COL4A2: variants seen among roughly 807,000 people sequenced by gnomAD.
COL4A2 encodes the protein collagen alpha-2(IV) chain.
In COL4A2, 99 loss-of-function variants were observed where a neutral mutation model predicts 200.2. The observed-to-expected ratio is 0.49, with a 90% CI of 0.42 to 0.58. COL4A2 has a LOEUF of 0.58. Ranked by LOEUF, COL4A2 falls within the 20% of genes least tolerant of loss-of-function variation. COL4A2 has a pLI of 0.00. For missense variants in COL4A2, 1,950 were observed against 2,314.1 expected, an observed-to-expected ratio of 0.84 and a Z score of 3.23; for synonymous variants, 897 against 900.6, an observed-to-expected ratio of 1.00 and a Z score of 0.07.
At position 110,409,227 on chromosome 13, in the gene COL4A2, A is replaced by G. The variant is rs577625355; in HGVS notation, c.181-15507A>G. 3.4e-4 allele frequency among the ~76,000 whole-genome samples: 51 copies of G among 148,390 alleles called. No individual in the cohort carries two copies. In the South Asian group the frequency reaches 8.5e-3, roughly 25 times the overall value. ...CACACATATACACACATTCTTGCACAAAAATCTCACAAGAACATCACGGGT... is the reference window on the plus strand; with the variant it reads ...CACACATATACACACATTCTTGCACGAAAATCTCACAAGAACATCACGGGT... On this transcript the variant is annotated intron_variant, in intron 4 of 47. Coordinates refer to ENST00000360467, the MANE Select transcript of COL4A2 (RefSeq NM_001846.4).
At chr13:110,331,849 G>A (rs568010966) in intron 3 of COL4A2, among the ~76,000 whole-genome samples, 1 of 152,212 alleles carries the variant, frequency 6.6e-6, no homozygotes, top group East Asian at 1.9e-4. Flanking sequence ...TTCCTGTTGG[G>A]TGTCATTTTC....
rs1883947353 is a variant in COL4A2, at chr13:110,508,015, A to T, written c.4675A>T (p.Ser1559Cys). ...CCCTGGTGATGTCTGCTACTATGCC[A>T]GCCGGAACGACAAGTCCTACTGGCT... The part of the protein sequence containing the change: ...CNPGDVCYYA[S>C]RNDKSYWLST... Residue 1559 changes from serine to cysteine, a missense_variant, in exon 47 of 48, where the codon AGC (serine) becomes TGC (cysteine). Physicochemically the swap from Ser to Cys is moderately radical, Grantham distance 112. Coordinates refer to ENST00000360467, the MANE Select transcript of COL4A2 (RefSeq NM_001846.4). The surrounding 1 kb of genome is among the most constrained non-coding windows in gnomAD (Gnocchi z 6.1). 2 of 1,614,218 alleles carry T rather than the reference A, an allele frequency of 1.2e-6. No homozygotes were observed. The highest frequency in any genetic ancestry group is 1.6e-4 in the Middle Eastern group (1 of 6,062).
chr13:110,409,949 C>T (rs1002614647), intron 4 of COL4A2, among the ~76,000 whole-genome samples: 2 of 152,284 alleles, frequency 1.3e-5, no homozygotes, highest in South Asian at 2.1e-4. Context: ...ACGTCCCGCC[C>T]GCCCCAGAGC....
chr13:110,512,379 G>C lies in COL4A2; in HGVS notation c.*188G>C. 1 of 1,002,396 alleles carries C rather than the reference G, an allele frequency of 1.0e-6. No homozygotes were observed. The highest frequency in any genetic ancestry group is 1.4e-6 in the Non-Finnish European group (1 of 707,978). 62.1% of individuals were successfully genotyped at this position (1,002,396 alleles called of 1,614,324 possible). A position where few individuals can be genotyped will look rare whatever the true frequency, so the allele number is the denominator to read the frequency against. On this transcript the variant is annotated 3_prime_UTR_variant, in exon 48 of 48. Transcript: ENST00000360467. ...GCGGGTGCAAGCACTCGGGGTCCCTGGAGGGCAAGCCCTGCCCACAGAAAG... is the reference window on the plus strand; with the variant it reads ...GCGGGTGCAAGCACTCGGGGTCCCTCGAGGGCAAGCCCTGCCCACAGAAAG...
At chr13:110,430,983 C>A in intron 10 of COL4A2, 2 of 436,996 alleles carry the variant, frequency 4.6e-6, no homozygotes, top group Non-Finnish European at 4.5e-6. Flanking sequence ...TGTGCCACAC[C>A]CATGCTAGCA....
chr13:110,468,081 C>T (rs1323344393), intron 27 of COL4A2: 2 of 455,340 alleles, frequency 4.4e-6, no homozygotes, highest in African/African-American at 4.0e-5. Flanking sequence ...CCGTGATAAA[C>T]TGTAGAGAGC....
intron 4 of COL4A2, among the ~76,000 whole-genome samples, chr13:110,416,024 G>A (rs895804851): frequency 6.6e-6 from 1 of 152,270 alleles, no homozygotes; most frequent in Non-Finnish European, 1.5e-5. Context: ...GAGGTCGTAA[G>A]TATAGACAAT....
At chr13:110,317,323 G>GAC (rs990399778) in intron 3 of COL4A2, among the ~76,000 whole-genome samples, 2 of 150,838 alleles carry the variant, frequency 1.3e-5, no homozygotes, top group African/African-American at 4.9e-5. Flanking sequence ...AATACACAGA[G>GAC]ACACACACTT....
rs761151294 is a variant in COL4A2, at chr13:110,462,260, A to G, written c.1670-18A>G. On this transcript the variant is annotated intron_variant, in intron 23 of 47. Transcript: ENST00000360467. Reference sequence around the variant, plus strand: ...TGGGCACCTGCCTGGGCAGCTTCACATGCAAATCCCTTTCTAGGTGAGCGG... The same window carrying G: ...TGGGCACCTGCCTGGGCAGCTTCACGTGCAAATCCCTTTCTAGGTGAGCGG... 10 of 1,614,106 alleles carry G rather than the reference A, an allele frequency of 6.2e-6. No homozygotes were observed. Among genetic ancestry groups the G allele is most frequent in the East Asian group, 4.5e-5 (2 of 44,898 alleles).
In COL4A2 at chr13:110,466,059, C is replaced by T. The variant is rs1555330881; in HGVS notation, c.2035C>T (p.Pro679Ser). The change falls in exon 26 of 48, where the codon CCA becomes TCA. Residue 679 changes from proline (P) to serine (S), a missense_variant. Pro to Ser is a moderately conservative substitution (Grantham distance 74, BLOSUM62 -1). This residue lies in a region of COL4A2 where 1,385 missense variants were observed against 1,720.5 expected (regional missense o/e 0.80). Coordinates refer to ENST00000360467, the MANE Select transcript of COL4A2 (RefSeq NM_001846.4). ...VGGDRQEAIQ[P>S]GCIGGPKGLP... ...AGGTGACAGACAGGAGGCCATCCAG[C>T]CAGGTACTCTGGGAAGTGCAGGTGG... The T allele has an allele frequency of 6.2e-7, 1 of 1,613,574 alleles. No homozygotes were observed. The highest frequency in any genetic ancestry group is 8.5e-7 in the Non-Finnish European group (1 of 1,179,608).
intron 29 of COL4A2, among the ~76,000 whole-genome samples, chr13:110,474,192 T>A (rs1882588917): frequency 6.6e-6 from 1 of 152,196 alleles, no homozygotes; most frequent in South Asian, 2.1e-4. Flanking sequence ...ACTGTTTATC[T>A]GTTGATGGCA....
At chr13:110,393,324 CCCAT>C (rs1487884351) in intron 4 of COL4A2, among the ~76,000 whole-genome samples, 1 of 152,158 alleles carries the variant, frequency 6.6e-6, no homozygotes, top group African/African-American at 2.4e-5. Context: ...AAATTGCTCT[CCCAT>C]CCAAGAATAA....
intron 4 of COL4A2, 136 bp from the exon 5 acceptor site, chr13:110,424,598 G>C (rs1482338813): frequency 1.9e-6 from 1 of 533,532 alleles, no homozygotes; most frequent in African/African-American, 1.9e-5. Flanking sequence ...GTAGATGATA[G>C]TTTACATATA....
intron 4 of COL4A2, among the ~76,000 whole-genome samples, chr13:110,385,403 TAC>T (rs1425091308): frequency 2.0e-5 from 3 of 151,680 alleles, no homozygotes; most frequent in Non-Finnish European, 2.9e-5. Flanking sequence ...AGTTGGAGGT[TAC>T]AGTGTGTGGA....
chr13:110,420,208 T>G (rs982930812), intron 4 of COL4A2, among the ~76,000 whole-genome samples: 5 of 152,224 alleles, frequency 3.3e-5, no homozygotes, highest in African/African-American at 1.2e-4. Flanking sequence ...CGGCCAGCCC[T>G]GACACTGGTC....
chr13:110,392,812 T>G (rs7995992), intron 4 of COL4A2, among the ~76,000 whole-genome samples: 4,637 of 152,238 alleles, frequency 0.03, 230 homozygotes, highest in African/African-American at 0.11. Flanking sequence ...AATTAAGTCC[T>G]AAAAGAAAGA....
intron 32 of COL4A2, among the ~76,000 whole-genome samples, chr13:110,484,443 CAG>C (rs1246348244): frequency 6.6e-6 from 1 of 152,122 alleles, no homozygotes; most frequent in Non-Finnish European, 1.5e-5. Flanking sequence ...CTCAGCTCCT[CAG>C]AACCCCCCGG....
chr13:110,414,288 G>A (rs1879957218), intron 4 of COL4A2, among the ~76,000 whole-genome samples: 1 of 152,176 alleles, frequency 6.6e-6, no homozygotes, highest in African/African-American at 2.4e-5. Flanking sequence ...TAAGATGTCA[G>A]CACATGACCC....
At chr13:110,363,939 G>A (rs771269884) in intron 4 of COL4A2, among the ~76,000 whole-genome samples, 3 of 152,180 alleles carry the variant, frequency 2.0e-5, no homozygotes, top group Non-Finnish European at 4.4e-5. Context: ...GACCTCAGGT[G>A]AGCCGCCCGC....
Sources: gnomAD v4.1 joint callset for allele counts (sites outside exome capture counted in the v4.1 genomes callset) on GRCh38, gnomAD v4.1.1 for gene constraint, gnomAD v4.1.1 regional missense constraint, Gnocchi (gnomAD v3.1) non-coding constraint, MANE v1.5 for transcripts, NCBI Gene and HGNC (gene_info 2026-07-23, HGNC 2026-07-21) for gene names.